The following RB1CC1 variants were observed in gnomAD, a reference collection of about 807,000 sequenced individuals.
RB1CC1 encodes the protein RB1 inducible coiled-coil 1.
RB1CC1 carries 46 observed loss-of-function variants against 177.5 expected under a neutral mutation model. That is an observed-to-expected ratio of 0.26 (90% CI 0.20 to 0.33). The LOEUF (loss-of-function observed/expected upper bound fraction) is 0.33. Among genes scored for constraint, RB1CC1 ranks in the 10% least tolerant of loss-of-function variants. The probability of loss-of-function intolerance (pLI) is 1.00; values close to 1 mark genes in which losing one functional copy is unlikely to be tolerated. For synonymous variants in RB1CC1, 666 were observed against 613.6 expected, an observed-to-expected ratio of 1.09 and a Z score of -1.26; for missense variants, 1,703 against 1,816.3, an observed-to-expected ratio of 0.94 and a Z score of 1.13.
intron 7 of RB1CC1, 79 bp from the exon 8 acceptor site, chr8:52,668,270 G>C (rs1304318042): frequency 6.8e-7 from 1 of 1,472,754 alleles, no homozygotes; most frequent in Non-Finnish European, 9.2e-7. Flanking sequence ...CTGACATACA[G>C]CTTGAGAGAA....
chr8:52,629,523 G>T (rs185731449), intron 21 of RB1CC1, among the ~76,000 whole-genome samples: 32 of 152,240 alleles, frequency 2.1e-4, no homozygotes, highest in African/African-American at 7.2e-4. Context: ...AATTTAACCT[G>T]AAAGACCGGT....
Position 52,657,197 on chromosome 8 carries a change from G to C in RB1CC1, c.2632C>G (p.Leu878Val). Residue 878 changes from leucine to valine, a missense_variant, in exon 15 of 24, where the codon CTT becomes GTT. By Grantham distance (32) the Leu-to-Val change is conservative. This residue lies in a region of RB1CC1 where 1,169 missense variants were observed against 1,184.7 expected (regional missense o/e 0.99). Transcript: ENST00000025008. ...LSLKNEYEGK[L>V]DGLIKETEEN... ...TCAGTTTCCTTTATTAGTCCGTCAA[G>C]TTTACCTTCATATTCATTTTTTAAA... The C allele has an allele frequency of 6.2e-7, 1 of 1,600,422 alleles. No individual in the cohort carries two copies.
At chr8:52,678,630 T>C (rs1853382849) in intron 5 of RB1CC1, among the ~76,000 whole-genome samples, 1 of 152,144 alleles carries the variant, frequency 6.6e-6, no homozygotes, top group Non-Finnish European at 1.5e-5. Flanking sequence ...ATTTTGCTGA[T>C]ATATTTGCTG....
At chr8:52,703,848 T>C (rs1224326345) in intron 1 of RB1CC1, among the ~76,000 whole-genome samples, 2 of 152,138 alleles carry the variant, frequency 1.3e-5, no homozygotes, top group Non-Finnish European at 2.9e-5. Context: ...AATAAATGTT[T>C]GCGGTCAAAA....
chr8:52,699,988 C>T (rs112802401), intron 1 of RB1CC1, among the ~76,000 whole-genome samples: 25 of 151,540 alleles, frequency 1.6e-4, no homozygotes, highest in East Asian at 7.8e-4. Flanking sequence ...AAGGCTACTA[C>T]AAAGAACCAT....
chr8:52,698,707 T>G lies in RB1CC1; in HGVS notation c.-166-11740A>C, dbSNP rs1375504288. Among the ~76,000 whole-genome samples, 32 of 37,920 alleles carry G rather than the reference T, an allele frequency of 8.4e-4. 3 individuals carry two copies. Among genetic ancestry groups the G allele is most frequent in the African/African-American group, 3.9e-3 (32 of 8,124 alleles). The allele number at this position is 37,920 out of a possible 152,430, so 24.9% of individuals were successfully genotyped here. A position where few individuals can be genotyped will look rare whatever the true frequency, so the allele number is the denominator to read the frequency against. On this transcript the variant is annotated intron_variant, in intron 1 of 23. Transcript: ENST00000025008. ...TTTTTTTTTTTTTTTTTTTTTTTTTTTTTTTTTTTTTTTTTTTTTTGAGAC... is the reference window on the plus strand; with the variant it reads ...TTTTTTTTTTTTTTTTTTTTTTTTTGTTTTTTTTTTTTTTTTTTTTGAGAC...
At position 52,661,564 on chromosome 8, in the gene RB1CC1, T is replaced by A; in HGVS notation, c.1329A>T (p.Glu443Asp). Residue 443 changes from glutamate (E) to aspartate (D), a missense_variant, in exon 9 of 24, where the codon GAA becomes GAT. Glu to Asp is a conservative substitution (Grantham distance 45, BLOSUM62 2). Transcript: ENST00000025008. Reference sequence around the variant, plus strand: ...GTCTGACATGTAGGTTATTTGCTAGTTCTTGTTTGGCAGTGGTACACTTCT... The same window carrying A: ...GTCTGACATGTAGGTTATTTGCTAGATCTTGTTTGGCAGTGGTACACTTCT... ...IKQKCTTAKQ[E>D]LANNLHVRLK... The A allele has an allele frequency of 1.2e-6, 2 of 1,608,524 alleles. No homozygotes were observed. Among genetic ancestry groups the A allele is most frequent in the Non-Finnish European group, 1.7e-6 (2 of 1,178,028 alleles).
chr8:52,640,231 T>C (rs1047593684), intron 18 of RB1CC1, among the ~76,000 whole-genome samples: 1 of 152,144 alleles, frequency 6.6e-6, no homozygotes, highest in African/African-American at 2.4e-5. Context: ...AGAATAGTGG[T>C]TACCAGAGGC....
At chr8:52,630,638 A>G (rs1457993528) in intron 20 of RB1CC1, 110 bp from the exon 21 acceptor site, 1 of 1,078,334 alleles carries the variant, frequency 9.3e-7, no homozygotes, top group African/African-American at 1.7e-5. Flanking sequence ...GTCCAGCTTT[A>G]AAGAGCCCAA....
intron 2 of RB1CC1, 46 bp from the exon 3 acceptor site, chr8:52,685,566 A>G (rs147121731): frequency 1.3e-4 from 90 of 680,638 alleles, no homozygotes; most frequent in Middle Eastern, 4.0e-4. Context: ...TGCAACTACA[A>G]TCACAAATAC....
intron 17 of RB1CC1, 53 bp downstream of exon 17, chr8:52,642,651 T>A (rs1044707212): frequency 6.3e-7 from 1 of 1,589,608 alleles, no homozygotes; most frequent in Non-Finnish European, 8.5e-7. Context: ...TTTGCATGAA[T>A]GTATCTTTTC....
At position 52,640,701 on chromosome 8, in the gene RB1CC1, C is replaced by T. The variant is rs6985849; in HGVS notation, c.4337+1650G>A. On this transcript the variant is annotated intron_variant, in intron 18 of 23. Coordinates refer to ENST00000025008, the MANE Select transcript of RB1CC1 (RefSeq NM_014781.5). Reference sequence around the variant, plus strand: ...GTGGTTCACTTTTTTCACACATGTCCGGACATATTTATGTCATTCATGTTT... The same window carrying T: ...GTGGTTCACTTTTTTCACACATGTCTGGACATATTTATGTCATTCATGTTT... 6.5e-3 allele frequency among the ~76,000 whole-genome samples: 986 copies of T among 152,082 alleles called. 12 individuals carry two copies. The highest frequency in any genetic ancestry group is 0.023 in the African/African-American group (948 of 41,494).
intron 1 of RB1CC1, among the ~76,000 whole-genome samples, chr8:52,711,160 C>T (rs1474757644): frequency 6.6e-6 from 1 of 152,144 alleles, no homozygotes; most frequent in East Asian, 1.9e-4. Context: ...AAAGCACTCA[C>T]TAAACAGCCA....
chr8:52,696,864 A>T (rs1265415789), intron 1 of RB1CC1, among the ~76,000 whole-genome samples: 1 of 152,096 alleles, frequency 6.6e-6, no homozygotes, highest in Non-Finnish European at 1.5e-5. Flanking sequence ...TTAGCCAGGC[A>T]TGATGGTGCA....
intron 1 of RB1CC1, among the ~76,000 whole-genome samples, chr8:52,687,213 ATATTATGG>A (rs1854349307): frequency 6.6e-6 from 1 of 152,156 alleles, no homozygotes; most frequent in South Asian, 2.1e-4. Context: ...ATTCCTTAAA[ATATTATGG>A]TAAAGAAGTA....
chr8:52,659,040 T>A, intron 12 of RB1CC1, 64 bp from the exon 13 acceptor site: 1 of 797,676 alleles, frequency 1.3e-6, no homozygotes. Context: ...AGCAAATTTA[T>A]ATGATTTCTT....
At position 52,668,201 on chromosome 8, in the gene RB1CC1, A is replaced by G. The variant is rs1183247214; in HGVS notation, c.1003-10T>C. The stretch of plus-strand genomic sequence containing the variant: ...TAATCCTTGGATCAAGCTAAATGAC[A>G]AGGAAACACATACGAATACAATTTT... On this transcript the variant is annotated splice_polypyrimidine_tract_variant and intron_variant, in intron 7 of 23. Transcript: ENST00000025008. 6.2e-7 allele frequency: 1 copy of G among 1,611,904 alleles called. No individual in the cohort carries two copies. Among genetic ancestry groups the G allele is most frequent in the South Asian group, 1.1e-5 (1 of 91,028 alleles).
chr8:52,701,850 A>T (rs1258031940), intron 1 of RB1CC1, among the ~76,000 whole-genome samples: 1 of 151,144 alleles, frequency 6.6e-6, no homozygotes, highest in Non-Finnish European at 1.5e-5. Flanking sequence ...TCTGTCACCC[A>T]GGCTGGAGTG....
chr8:52,714,099 G>A lies in RB1CC1; in HGVS notation c.-191C>T. 1 of 351,948 alleles carries A rather than the reference G, an allele frequency of 2.8e-6. No homozygotes were observed. The highest frequency in any genetic ancestry group is 5.7e-6 in the Non-Finnish European group (1 of 174,110). The allele number at this position is 351,948 out of a possible 1,614,324, so 21.8% of individuals were successfully genotyped here. On this transcript the variant is annotated 5_prime_UTR_variant, in exon 1 of 24. Coordinates refer to ENST00000025008, the MANE Select transcript of RB1CC1 (RefSeq NM_014781.5). Reference sequence around the variant, plus strand: ...CCCGGCAACGCCTCCTCCTTCGCCGGCGGCAGCAGCAGAGCCAGCGACCCC... The same window carrying A: ...CCCGGCAACGCCTCCTCCTTCGCCGACGGCAGCAGCAGAGCCAGCGACCCC...
Sources: allele counts gnomAD v4.1 joint callset (sites outside exome capture counted in the v4.1 genomes callset), GRCh38; gene constraint gnomAD v4.1.1; regional missense constraint gnomAD v4.1.1; transcripts MANE v1.5; gene names NCBI Gene and HGNC (gene_info 2026-07-23, HGNC 2026-07-21).